The following GOLGA1 variants were observed in gnomAD, a reference collection of about 807,000 sequenced individuals.
GOLGA1 encodes the protein golgin subfamily A member 1.
A neutral mutation model predicts 119.7 loss-of-function variants in GOLGA1; 63 were observed. That is an observed-to-expected ratio of 0.53 (90% CI 0.43 to 0.65). The LOEUF is 0.65. GOLGA1 is among the 30% of genes least tolerant of loss of function. GOLGA1 has a pLI of 0.00. For synonymous variants in GOLGA1, 318 were observed against 333.4 expected, an observed-to-expected ratio of 0.95 and a Z score of 0.50; for missense variants, 798 against 912.8, an observed-to-expected ratio of 0.87 and a Z score of 1.62.
chr9:124,919,871 G>A (rs150744478), intron 10 of GOLGA1, among the ~76,000 whole-genome samples: 139 of 152,200 alleles, frequency 9.1e-4, no homozygotes, highest in African/African-American at 3.0e-3. Context: ...CATACAATAC[G>A]AGTTGTTCTG....
intron 12 of GOLGA1, among the ~76,000 whole-genome samples, chr9:124,901,828 C>G (rs1278807075): frequency 6.6e-6 from 1 of 152,188 alleles, no homozygotes; most frequent in Admixed American, 6.5e-5. Context: ...TTCCTTAGGA[C>G]AGATTCCTTG....
chr9:124,942,126 C>T (rs1478809201), upstream of GOLGA1, among the ~76,000 whole-genome samples: 4 of 152,098 alleles, frequency 2.6e-5, no homozygotes, highest in African/African-American at 9.7e-5. Context: ...CAAAATTAGC[C>T]GGGCATGGTG....
chr9:124,938,737 G>C lies in GOLGA1; in HGVS notation c.-26C>G. On this transcript the variant is annotated 5_prime_UTR_variant, in exon 3 of 23. In the 5' UTR this introduces an upstream ATG that the reference lacks. Transcript: ENST00000373555. Reference sequence around the variant, plus strand: ...GTTTGCTGTGTGGCTATCCTGCACAGATGACGAGCTCTCAGTAGTCCTGGT... The same window carrying C: ...GTTTGCTGTGTGGCTATCCTGCACACATGACGAGCTCTCAGTAGTCCTGGT... The C allele has an allele frequency of 6.2e-7, 1 of 1,601,362 alleles. No individual in the cohort carries two copies. Among genetic ancestry groups the C allele is most frequent in the Non-Finnish European group, 8.5e-7 (1 of 1,173,652 alleles).
intron 1 of GOLGA1, among the ~76,000 whole-genome samples, chr9:124,940,396 C>A (rs184664754): frequency 1.5e-3 from 233 of 152,280 alleles, no homozygotes; most frequent in Non-Finnish European, 2.9e-3. Context: ...ATCACCGCAG[C>A]GGGTGCCTAA....
At chr9:124,895,816 AAC>A in intron 15 of GOLGA1, among the ~76,000 whole-genome samples, 1 of 132,918 alleles carries the variant, frequency 7.5e-6, no homozygotes, top group Non-Finnish European at 1.7e-5. Context: ...GACCCTCCAC[AAC>A]AGAGAACCCT....
chr9:124,894,999 AC>A (rs1829933775), intron 15 of GOLGA1, among the ~76,000 whole-genome samples: 2 of 151,462 alleles, frequency 1.3e-5, no homozygotes, highest in South Asian at 4.2e-4. Flanking sequence ...CACAACAGAG[AC>A]CCATCCACAA....
At chr9:124,939,546 CTTTCTTTTT>C (rs1162692490) in intron 2 of GOLGA1, among the ~76,000 whole-genome samples, 47 of 39,988 alleles carry the variant, frequency 1.2e-3, no homozygotes, top group African/African-American at 4.8e-3. Flanking sequence ...TATTTTCTTT[CTTTCTTTTT>C]TTTTTTTTTT....
At chr9:124,945,105 T>C (rs1831124789), upstream of GOLGA1, 1 of 152,262 alleles carries the variant, frequency 6.6e-6, no homozygotes, top group African/African-American at 2.4e-5. Flanking sequence ...AAATAGGAAA[T>C]TGATACCCAA....
intron 11 of GOLGA1, among the ~76,000 whole-genome samples, chr9:124,909,684 G>C (rs1830304579): frequency 6.6e-6 from 1 of 151,586 alleles, no homozygotes; most frequent in African/African-American, 2.4e-5. Context: ...ATCTCAGCTA[G>C]TTGCACAGAT....
At chr9:124,919,456 G>A (rs566711786) in intron 10 of GOLGA1, among the ~76,000 whole-genome samples, 2 of 152,194 alleles carry the variant, frequency 1.3e-5, no homozygotes, top group Non-Finnish European at 2.9e-5. Context: ...ATTCATTCAC[G>A]TATATATTTA....
intron 3 of GOLGA1, 76 bp downstream of exon 3, chr9:124,938,501 T>C: frequency 8.2e-7 from 1 of 1,221,786 alleles, no homozygotes; most frequent in South Asian, 1.2e-5. Context: ...AGGTATGAAA[T>C]AATCAAGCAA....
chr9:124,908,260 C>T, intron 12 of GOLGA1, 117 bp downstream of exon 12: 1 of 699,684 alleles, frequency 1.4e-6, no homozygotes, highest in South Asian at 1.6e-5. Flanking sequence ...AGGTAAGATC[C>T]AAAAATAATC....
intron 12 of GOLGA1, among the ~76,000 whole-genome samples, chr9:124,904,445 A>G (rs1156274383): frequency 6.6e-6 from 1 of 152,258 alleles, no homozygotes; most frequent in Non-Finnish European, 1.5e-5. Flanking sequence ...TTTCAGAAAA[A>G]TATAGTTTAA....
chr9:124,930,837 T>C (rs1445970217), intron 4 of GOLGA1, among the ~76,000 whole-genome samples: 2 of 152,208 alleles, frequency 1.3e-5, no homozygotes, highest in Admixed American at 6.5e-5. Context: ...ACACCTTCTA[T>C]GCAGGTGCTG....
In GOLGA1 at chr9:124,888,407, G is replaced by A; in HGVS notation, c.1762-11C>T. On this transcript the variant is annotated splice_polypyrimidine_tract_variant and intron_variant, in intron 18 of 22. Coordinates refer to ENST00000373555, the MANE Select transcript of GOLGA1 (RefSeq NM_002077.4). This position sits in a 1 kb window ranked among gnomAD's most constrained non-coding sequence, Gnocchi z 4.4. ...GGCCCTCGAGGTCACCTACAAGGTG[G>A]CAGCAGCAAATTGAGAGCCAGGACA... 2.5e-6 allele frequency: 4 copies of A among 1,613,246 alleles called. No individual in the cohort carries two copies. Among genetic ancestry groups the A allele is most frequent in the Non-Finnish European group, 3.4e-6 (4 of 1,179,284 alleles).
intron 6 of GOLGA1, 74 bp downstream of exon 6, chr9:124,928,114 T>C (rs1455961664): frequency 6.1e-6 from 4 of 656,748 alleles, no homozygotes; most frequent in Non-Finnish European, 8.2e-6. Flanking sequence ...CTATAGGTTA[T>C]GTCATGATTT....
intron 3 of GOLGA1, among the ~76,000 whole-genome samples, chr9:124,935,647 A>C (rs1830848684): frequency 6.6e-6 from 1 of 151,858 alleles, no homozygotes; most frequent in South Asian, 2.1e-4. Flanking sequence ...AATACAAAAA[A>C]CTAGCCAAGT....
intron 19 of GOLGA1, among the ~76,000 whole-genome samples, chr9:124,884,499 CG>C (rs996185571): frequency 2.2e-4 from 34 of 152,284 alleles, no homozygotes; most frequent in African/African-American, 7.9e-4. Context: ...CAGGAACTCC[CG>C]GGGATGCCCT....
At chr9:124,893,808 T>C (rs1165486207) in intron 15 of GOLGA1, among the ~76,000 whole-genome samples, 1 of 152,232 alleles carries the variant, frequency 6.6e-6, no homozygotes, top group African/African-American at 2.4e-5. Context: ...CGGCAAAAGC[T>C]GCTTTGCATG....
Sources: allele counts gnomAD v4.1 joint callset (sites outside exome capture counted in the v4.1 genomes callset), GRCh38; gene constraint gnomAD v4.1.1; non-coding constraint Gnocchi (gnomAD v3.1); transcripts MANE v1.5; gene names NCBI Gene and HGNC (gene_info 2026-07-23, HGNC 2026-07-21).